The following ADGRL3 variants were observed in gnomAD, a reference collection of about 807,000 sequenced individuals.
ADGRL3 encodes the protein calcium-independent alpha-latrotoxin receptor 3.
ADGRL3 carries 62 observed loss-of-function variants against 153.5 expected under a neutral mutation model. The ratio of observed to expected loss-of-function variants is 0.40; its 90% CI spans 0.33 to 0.50. The LOEUF (loss-of-function observed/expected upper bound fraction) is 0.50, where lower values mean the gene tolerates loss of function less well. ADGRL3 is among the 20% of genes least tolerant of loss of function. ADGRL3 has a pLI of 0.47. For synonymous variants in ADGRL3, 710 were observed against 672.5 expected (o/e 1.06, Z -0.86); for missense variants, 1,641 against 1,859.4 (o/e 0.88, Z 2.16).
intron 4 of ADGRL3, among the ~76,000 whole-genome samples, chr4:61,533,709 A>G (rs1337666464): frequency 2.0e-5 from 3 of 152,156 alleles, no homozygotes; most frequent in Non-Finnish European, 2.9e-5. Flanking sequence ...ATTTTCTAAT[A>G]TTATGATTTC....
rs917136606 is a variant in ADGRL3 at position 62,077,055 on chromosome 4, T to C, written c.*6147T>C. 3 of 152,070 alleles carry C rather than the reference T, an allele frequency of 2.0e-5. No individual in the cohort carries two copies. The East Asian group carries it at 5.8e-4, about 29-fold the overall frequency. The allele number at this position is 152,070 out of a possible 1,614,324, so 9.4% of individuals were successfully genotyped here. On this transcript the variant is annotated 3_prime_UTR_variant, in exon 27 of 27. Coordinates refer to ENST00000683033, the MANE Select transcript of ADGRL3 (RefSeq NM_001387552.1). ...TCTCAAGTTCTCTGCCTTTAATTATTATAGTCAATTCATAAAATTCTACAT... is the reference window on the plus strand; with the variant it reads ...TCTCAAGTTCTCTGCCTTTAATTATCATAGTCAATTCATAAAATTCTACAT...
At chr4:61,466,232 T>C (rs1423467310) in intron 2 of ADGRL3, among the ~76,000 whole-genome samples, 1 of 152,248 alleles carries the variant, frequency 6.6e-6, no homozygotes, top group Admixed American at 6.5e-5. Context: ...TAATTTCCAC[T>C]ACCTGTTTCC....
At chr4:61,524,382 C>T (rs975325214) in intron 4 of ADGRL3, among the ~76,000 whole-genome samples, 2 of 151,942 alleles carry the variant, frequency 1.3e-5, no homozygotes, top group African/African-American at 2.4e-5. Flanking sequence ...GGTGTTCTAA[C>T]TTATTCTTTC....
intron 21 of ADGRL3, among the ~76,000 whole-genome samples, chr4:62,007,152 C>G (rs1305398876): frequency 6.6e-6 from 1 of 151,220 alleles, no homozygotes; most frequent in Non-Finnish European, 1.5e-5. Flanking sequence ...AAGGGATTCT[C>G]TTCATGAGCC....
intron 1 of ADGRL3, among the ~76,000 whole-genome samples, chr4:61,206,200 C>T (rs1737126541): frequency 6.6e-6 from 1 of 152,034 alleles, no homozygotes; most frequent in Admixed American, 6.5e-5. Flanking sequence ...TAATGAATGT[C>T]TTCATAAAAG....
In ADGRL3 at chr4:61,934,918, C is replaced by T. The variant is rs750113390; in HGVS notation, c.2191C>T (p.Leu731=). Residue 731 remains leucine, a synonymous_variant, in exon 14 of 27, where the codon CTG becomes TTG. Transcript: ENST00000683033. ...GAGAGACCTGACTACGAGTGATCAGCTGCGTGCGGCCACCATGTTGCTTCA... is the reference window on the plus strand; with the variant it reads ...GAGAGACCTGACTACGAGTGATCAGTTGCGTGCGGCCACCATGTTGCTTCA... ...AWRDLTTSDQ[L]RAATMLLHTV... is the part of the protein sequence containing the mutation. 2 of 1,613,812 alleles carry T rather than the reference C, an allele frequency of 1.2e-6. No individual in the cohort carries two copies. The highest frequency in any genetic ancestry group is 1.7e-6 in the Non-Finnish European group (2 of 1,179,798).
At chr4:61,299,248 A>T (rs1402248971) in intron 1 of ADGRL3, among the ~76,000 whole-genome samples, 2 of 152,148 alleles carry the variant, frequency 1.3e-5, no homozygotes, top group Non-Finnish European at 2.9e-5. Flanking sequence ...AGCAAAGCAT[A>T]AGTACAAATA....
chr4:61,306,706 T>A (rs2094802215), intron 1 of ADGRL3, among the ~76,000 whole-genome samples: 1 of 152,206 alleles, frequency 6.6e-6, no homozygotes, highest in Non-Finnish European at 1.5e-5. Flanking sequence ...GCACACCTCT[T>A]AAGTGTTCTC....
chr4:61,373,862 A>G (rs562176295), intron 1 of ADGRL3, among the ~76,000 whole-genome samples: 10 of 152,332 alleles, frequency 6.6e-5, no homozygotes, highest in Admixed American at 6.5e-4. Context: ...TTCCCCCAAT[A>G]GTCATGCAAT....
At chr4:61,359,032 A>G (rs749896128) in intron 1 of ADGRL3, among the ~76,000 whole-genome samples, 36 of 152,178 alleles carry the variant, frequency 2.4e-4, no homozygotes, top group Non-Finnish European at 5.0e-4. Flanking sequence ...TACAGTTTCA[A>G]AAATGACAAC....
intron 3 of ADGRL3, among the ~76,000 whole-genome samples, chr4:61,511,983 A>T (rs2098465954): frequency 6.6e-6 from 1 of 152,152 alleles, no homozygotes; most frequent in Non-Finnish European, 1.5e-5. Flanking sequence ...AATCTTTTAT[A>T]TGGCTAAAAT....
At chr4:61,430,778 G>T (rs952004481) in intron 2 of ADGRL3, among the ~76,000 whole-genome samples, 5 of 152,106 alleles carry the variant, frequency 3.3e-5, no homozygotes, top group African/African-American at 1.2e-4. Context: ...ACCACTAAAT[G>T]ACTATGTAGA....
At chr4:61,793,174 C>T (rs1192170936) in intron 8 of ADGRL3, among the ~76,000 whole-genome samples, 6 of 152,044 alleles carry the variant, frequency 3.9e-5, no homozygotes, top group Non-Finnish European at 7.3e-5. Context: ...CCTGTAATCC[C>T]AGCAATTTGG....
chr4:61,912,735 G>T lies in ADGRL3; in HGVS notation c.2090G>T (p.Arg697Leu), dbSNP rs921791162. ...TGGATTCAGCTTCAGAAAAGAGAGCGCTCTTGCAGAGCCTATGTCCAGGTA... is the reference window on the plus strand; with the variant it reads ...TGGATTCAGCTTCAGAAAAGAGAGCTCTCTTGCAGAGCCTATGTCCAGGTA... ...RSLNKLQKRE[R>L]SCRAYVQAMV... Residue 697 changes from arginine (R) to leucine (L), a missense_variant, in exon 13 of 27, where the codon CGC (arginine) becomes CTC (leucine). Transcript: ENST00000683033. The T allele has an allele frequency of 6.2e-7, 1 of 1,613,114 alleles. No individual in the cohort carries two copies. Among genetic ancestry groups the T allele is most frequent in the African/African-American group, 1.3e-5 (1 of 74,910 alleles).
intron 1 of ADGRL3, among the ~76,000 whole-genome samples, chr4:61,320,919 C>T (rs2095342113): frequency 1.3e-5 from 2 of 152,052 alleles, no homozygotes. Context: ...AGAAATATCC[C>T]ATTTCCTTGC....
chr4:61,559,171 A>G (rs1159285492), intron 4 of ADGRL3, among the ~76,000 whole-genome samples: 1 of 152,016 alleles, frequency 6.6e-6, no homozygotes, highest in African/African-American at 2.4e-5. Flanking sequence ...TTTAGCCCAT[A>G]ATAAGCACCT....
chr4:61,509,291 CTAATTTTTG>C (rs1290581998), intron 3 of ADGRL3, among the ~76,000 whole-genome samples: 16 of 152,184 alleles, frequency 1.1e-4, no homozygotes, highest in African/African-American at 3.6e-4. Context: ...CCACTCCCAT[CTAATTTTTG>C]TATTTTTAGT....
intron 2 of ADGRL3, among the ~76,000 whole-genome samples, chr4:61,477,619 A>G (rs959303359): frequency 2.6e-5 from 4 of 152,160 alleles, no homozygotes; most frequent in Non-Finnish European, 4.4e-5. Flanking sequence ...GCCCAACAAT[A>G]CAAGTGTGTG....
At chr4:61,698,735 A>C (rs1035766168) in intron 6 of ADGRL3, among the ~76,000 whole-genome samples, 1 of 152,216 alleles carries the variant, frequency 6.6e-6, no homozygotes, top group Non-Finnish European at 1.5e-5. Flanking sequence ...CCATTCAGTC[A>C]TGGTGTGTTG....
Sources: gnomAD v4.1 joint callset for allele counts (sites outside exome capture counted in the v4.1 genomes callset) on GRCh38, gnomAD v4.1.1 for gene constraint, MANE v1.5 for transcripts, NCBI Gene and HGNC (gene_info 2026-07-23, HGNC 2026-07-21) for gene names.